POLA1: variants seen among roughly 807,000 people sequenced by gnomAD.
The protein encoded by POLA1 is DNA polymerase alpha 1, catalytic subunit.
A neutral mutation model predicts 124.0 loss-of-function variants in POLA1; 15 were observed. The observed-to-expected ratio is 0.12, with a 90% CI of 0.08 to 0.19. POLA1 has a LOEUF of 0.19. Ranked by LOEUF, POLA1 falls within the 10% of genes least tolerant of loss-of-function variation. The pLI, the probability that POLA1 is intolerant of heterozygous loss-of-function variation, is 1.00. For synonymous variants in POLA1, 408 were observed against 389.4 expected, an observed-to-expected ratio of 1.05 and a Z score of -0.56; for missense variants, 886 against 1,103.4, an observed-to-expected ratio of 0.80 and a Z score of 2.79.
At chrX:24,839,186 A>G (rs1362955310) in intron 32 of POLA1, among the ~76,000 whole-genome samples, 1 of 111,852 alleles carries the variant, frequency 8.9e-6, no homozygotes, top group Non-Finnish European at 1.9e-5. Flanking sequence ...GGATCATTAT[A>G]TACCTAATAT....
intron 36 of POLA1, among the ~76,000 whole-genome samples, chrX:24,980,095 GGA>G (rs1406694535): frequency 2.7e-5 from 3 of 110,129 alleles, no homozygotes; most frequent in African/African-American, 6.6e-5. Context: ...GGGAGATGGG[GGA>G]GAGAGAGAGA....
chrX:24,924,382 G>A (rs867784474), intron 35 of POLA1, among the ~76,000 whole-genome samples: 6 of 112,048 alleles, frequency 5.4e-5, no homozygotes, highest in Admixed American at 1.9e-4. Context: ...TACATTTCAA[G>A]CCAGATTCAG....
chrX:24,888,659 T>C (rs2047100151), intron 35 of POLA1, among the ~76,000 whole-genome samples: 1 of 95,723 alleles, frequency 1.0e-5, no homozygotes, highest in African/African-American at 4.1e-5. Context: ...CAGGCTGGAG[T>C]GCAGTGGCAC....
chrX:24,849,784 C>T (rs954224922), intron 34 of POLA1, among the ~76,000 whole-genome samples: 1 of 110,920 alleles, frequency 9.0e-6, no homozygotes, highest in African/African-American at 3.3e-5. Flanking sequence ...GCACCTGCTA[C>T]CAAGCCTGGC....
Position 24,995,934 on chromosome X carries a change from G to A in POLA1, c.4391G>A (p.Cys1464Tyr). Residue 1464 changes from cysteine to tyrosine, a missense_variant, in exon 37 of 37, where the codon TGT (cysteine) becomes TAT (tyrosine). Cys to Tyr is a radical substitution (Grantham distance 194, BLOSUM62 -2). Transcript: ENST00000379068. The part of the protein sequence containing the change: ...EVNLSKLFAG[C>Y]AVKS ...AATCTGAGCAAACTCTTCGCTGGTT[G>A]TGCCGTGAAATCCTAAGGGAATCCC... 8.3e-7 allele frequency: 1 copy of A among 1,210,083 alleles called. No individual in the cohort carries two copies. Among genetic ancestry groups the A allele is most frequent in the Non-Finnish European group, 1.1e-6 (1 of 894,879 alleles).
chrX:24,765,198 A>G (rs1019014082), intron 26 of POLA1, among the ~76,000 whole-genome samples: 3 of 109,537 alleles, frequency 2.7e-5, no homozygotes, highest in Non-Finnish European at 5.7e-5. Flanking sequence ...TCTGCCTGGA[A>G]TGCTCCTTCC....
intron 34 of POLA1, among the ~76,000 whole-genome samples, chrX:24,866,583 C>T (rs2046797924): frequency 8.9e-6 from 1 of 111,919 alleles, no homozygotes; most frequent in Non-Finnish European, 1.9e-5. Context: ...ATAGGACCTC[C>T]TGCAGTGCTT....
intron 4 of POLA1, among the ~76,000 whole-genome samples, chrX:24,708,592 C>T (rs1286801090): frequency 1.1e-4 from 6 of 54,202 alleles, no homozygotes; most frequent in African/African-American, 3.6e-4. Flanking sequence ...TGACTCTTAA[C>T]GAGCATGCTG....
At chrX:24,766,558 C>A (rs1932907930) in intron 26 of POLA1, among the ~76,000 whole-genome samples, 1 of 111,658 alleles carries the variant, frequency 9.0e-6, no homozygotes. Context: ...TTAGGTAAAC[C>A]TGGCATGGGA....
intron 36 of POLA1, among the ~76,000 whole-genome samples, chrX:24,985,176 A>G (rs1297057573): frequency 8.9e-6 from 1 of 112,412 alleles, no homozygotes; most frequent in Non-Finnish European, 1.9e-5. Flanking sequence ...TGAACCCTCT[A>G]TACCAGGAGT....
chrX:24,970,780 TTTTAA>T (rs1431162487), intron 36 of POLA1, among the ~76,000 whole-genome samples: 1 of 112,064 alleles, frequency 8.9e-6, no homozygotes, highest in African/African-American at 3.3e-5. Flanking sequence ...ATTTCGAGAT[TTTTAA>T]TTTAGTTAAA....
Position 24,908,407 on chromosome X carries a change from G to A in POLA1, c.4164+20285G>A, listed in dbSNP as rs1182259252. Among the ~76,000 whole-genome samples, 2 of 69,296 alleles carry A rather than the reference G, an allele frequency of 2.9e-5. 1 individual carries two copies. Among genetic ancestry groups the A allele is most frequent in the Non-Finnish European group, 5.0e-5 (2 of 39,729 alleles). 60.2% of individuals were successfully genotyped at this position (69,296 alleles called of 115,157 possible). A position where few individuals can be genotyped will look rare whatever the true frequency, so the allele number is the denominator to read the frequency against. ...TCCCCCCTCCCCCCACCCCACAACA[G>A]GCCCTGGTGTGTGATGTTCCCCTTC... On this transcript the variant is annotated intron_variant, in intron 35 of 36. Coordinates refer to ENST00000379068, the MANE Select transcript of POLA1 (RefSeq NM_001330360.2).
At position 24,843,671 on chromosome X, in the gene POLA1, C is replaced by T; in HGVS notation, c.4041C>T (p.Tyr1347=). Residue 1347 remains tyrosine (Y), a synonymous_variant, in exon 34 of 37, where the codon TAC becomes TAT. Coordinates refer to ENST00000379068, the MANE Select transcript of POLA1 (RefSeq NM_001330360.2). ...IMDIRRFIKK[Y]YDGWLICEEP... is the part of the protein sequence containing the mutation. ...ACATTAGACGTTTCATTAAAAAGTA[C>T]TATGATGTAAGTATCCATAATGATA... 8.7e-7 allele frequency: 1 copy of T among 1,154,566 alleles called. No individual in the cohort carries two copies. Among genetic ancestry groups the T allele is most frequent in the Non-Finnish European group, 1.2e-6 (1 of 853,309 alleles).
At chrX:24,903,587 A>C (rs1360073420) in intron 35 of POLA1, among the ~76,000 whole-genome samples, 1 of 112,167 alleles carries the variant, frequency 8.9e-6, no homozygotes, top group Non-Finnish European at 1.9e-5. Context: ...GAATTAATAC[A>C]TCAGTGCTGA....
chrX:24,694,028 G>A (rs375223253), intron 1 of POLA1, 24 bp downstream of exon 1: 77 of 1,161,266 alleles, frequency 6.6e-5, no homozygotes, highest in Non-Finnish European at 8.0e-5. Flanking sequence ...CCGCGCGCGG[G>A]GCTCCGGGTT....
intron 29 of POLA1, 22 bp from the exon 30 acceptor site, chrX:24,814,957 G>GTTTTTTTTT (rs749255466): frequency 1.9e-5 from 16 of 857,403 alleles, no homozygotes; most frequent in East Asian, 1.3e-4. Flanking sequence ...TCTTTGTTTT[G>GTTTTTTTTT]TTTTTTTTTT....
chrX:24,833,405 G>C (rs1601783324), intron 32 of POLA1, among the ~76,000 whole-genome samples: 1 of 111,243 alleles, frequency 9.0e-6, no homozygotes, highest in East Asian at 2.8e-4. Flanking sequence ...TTTTTCTCTG[G>C]GTAGATACCC....
At chrX:24,959,370 A>G (rs1247988494) in intron 36 of POLA1, among the ~76,000 whole-genome samples, 1 of 109,974 alleles carries the variant, frequency 9.1e-6, no homozygotes, top group Admixed American at 9.6e-5. Flanking sequence ...AGGCTGAGGC[A>G]TGAGAATCAC....
intron 31 of POLA1, among the ~76,000 whole-genome samples, chrX:24,824,561 A>G (rs1050690926): frequency 1.9e-5 from 2 of 104,519 alleles, no homozygotes; most frequent in African/African-American, 7.1e-5. Flanking sequence ...CTTCTGGCTC[A>G]GCCTCTCCAA....
Sources: gnomAD v4.1 joint callset for allele counts (sites outside exome capture counted in the v4.1 genomes callset) on GRCh38, gnomAD v4.1.1 for gene constraint, MANE v1.5 for transcripts, NCBI Gene and HGNC (gene_info 2026-07-23, HGNC 2026-07-21) for gene names.